The following BFSP2 variants were observed in gnomAD, a reference collection of about 807,000 sequenced individuals.
The protein encoded by BFSP2 is beaded filament structural protein 2, also known as phakinin.
Under a neutral mutation model 44.9 loss-of-function variants are expected in BFSP2, and 38 were observed. The observed-to-expected ratio is 0.85, with a 90% confidence interval of 0.65 to 1.11. The LOEUF (loss-of-function observed/expected upper bound fraction) is 1.11, where lower values mean the gene tolerates loss of function less well. Ranked by LOEUF, BFSP2 falls within the 50% of genes least tolerant of loss-of-function variation. The probability of loss-of-function intolerance (pLI) is 0.00; values close to 1 mark genes in which losing one functional copy is unlikely to be tolerated. For missense variants in BFSP2, 525 were observed against 533.0 expected (o/e 0.99, Z 0.15); for synonymous variants, 197 against 209.9 (o/e 0.94, Z 0.53).
chr3:133,401,259 A>G (rs989056343), intron 1 of BFSP2, among the ~76,000 whole-genome samples: 2 of 152,266 alleles, frequency 1.3e-5, no homozygotes, highest in Non-Finnish European at 2.9e-5. Context: ...GAGGTAATTT[A>G]CATTCAAGTA....
intron 4 of BFSP2, among the ~76,000 whole-genome samples, chr3:133,452,637 T>C (rs1401327200): frequency 6.6e-6 from 1 of 152,026 alleles, no homozygotes; most frequent in Admixed American, 6.6e-5. Flanking sequence ...ACCCAGAGAG[T>C]GCAGGTGACT....
chr3:133,403,560 A>G (rs1367872297), intron 1 of BFSP2, among the ~76,000 whole-genome samples: 1 of 152,238 alleles, frequency 6.6e-6, no homozygotes, highest in African/African-American at 2.4e-5. Context: ...CAGTCACTCA[A>G]TAGCACGGTG....
Position 133,400,079 on chromosome 3 carries a change from G to A in BFSP2, c.-5G>A. On this transcript the variant is annotated 5_prime_UTR_variant, in exon 1 of 7. Transcript: ENST00000302334. The surrounding 1 kb of genome is among the most constrained non-coding windows in gnomAD (Gnocchi z 4.0). ...CCACTGGGCACCACAGAGGCAGAAG[G>A]GGTGATGAGTGAGAGGCGAGTGGTA... is the stretch of plus-strand genomic sequence containing the variant. 6.2e-7 allele frequency: 1 copy of A among 1,613,926 alleles called. No individual in the cohort carries two copies. Among genetic ancestry groups the A allele is most frequent in the Non-Finnish European group, 8.5e-7 (1 of 1,180,032 alleles).
intron 1 of BFSP2, among the ~76,000 whole-genome samples, chr3:133,428,857 C>T (rs2073679886): frequency 6.6e-6 from 1 of 152,186 alleles, no homozygotes; most frequent in African/African-American, 2.4e-5. Context: ...GCCAGTCTCT[C>T]CCTGTGTCTG....
chr3:133,447,981 G>A (rs74614203), intron 2 of BFSP2, among the ~76,000 whole-genome samples: 8,565 of 152,286 alleles, frequency 0.056, 348 homozygotes, highest in Non-Finnish European at 0.083. Context: ...CTTGAGAACC[G>A]TGCTCAGCTA....
intron 4 of BFSP2, among the ~76,000 whole-genome samples, chr3:133,452,280 T>A (rs2107928220): frequency 6.6e-6 from 1 of 152,338 alleles, no homozygotes; most frequent in East Asian, 1.9e-4. Context: ...TCTTCATCAA[T>A]TCTGGATTCC....
At chr3:133,473,393 T>C (rs1186577913) in intron 6 of BFSP2, among the ~76,000 whole-genome samples, 1 of 121,940 alleles carries the variant, frequency 8.2e-6, no homozygotes, top group Non-Finnish European at 1.6e-5. Flanking sequence ...GATCCAAACA[T>C]CACATCCTCA....
chr3:133,466,985 T>G, intron 5 of BFSP2, 26 bp downstream of exon 5: 1 of 1,612,290 alleles, frequency 6.2e-7, no homozygotes, highest in Non-Finnish European at 8.5e-7. Flanking sequence ...AAAGACCTGG[T>G]GTCCTTGTGC....
intron 1 of BFSP2, among the ~76,000 whole-genome samples, chr3:133,403,393 C>G (rs71317406): frequency 2.2e-4 from 34 of 152,212 alleles, no homozygotes; most frequent in Non-Finnish European, 3.1e-4. Flanking sequence ...CCTGGTCCTG[C>G]AGCTCAGTTC....
rs138522381 is a variant in BFSP2 at position 133,417,176 on chromosome 3, T to G, written c.489+16604T>G. On this transcript the variant is annotated intron_variant, in intron 1 of 6. Coordinates refer to ENST00000302334, the MANE Select transcript of BFSP2 (RefSeq NM_003571.4). ...CTCATCTCTCTACTCACCCCTGCCA[T>G]CTCTCCTCTATCCACCCCTCTAGTC... is the stretch of plus-strand genomic sequence containing the variant. Among the ~76,000 whole-genome samples, 575 of 101,330 alleles carry G rather than the reference T, an allele frequency of 5.7e-3. 7 individuals are homozygous for G. Among genetic ancestry groups the G allele is most frequent in the South Asian group, 0.031 (75 of 2,448 alleles). 66.5% of individuals were successfully genotyped at this position (101,330 alleles called of 152,430 possible).
At chr3:133,417,339 C>T (rs569631678) in intron 1 of BFSP2, among the ~76,000 whole-genome samples, 23 of 117,774 alleles carry the variant, frequency 2.0e-4, no homozygotes, top group South Asian at 3.4e-4. Context: ...ATCTCCCCTC[C>T]ACTCACCCCG....
intron 4 of BFSP2, among the ~76,000 whole-genome samples, chr3:133,460,219 C>T (rs1250451791): frequency 6.6e-6 from 1 of 152,124 alleles, no homozygotes; most frequent in African/African-American, 2.4e-5. Context: ...TTAATCTTCC[C>T]AACATGAGAT....
chr3:133,400,582 C>A lies in BFSP2; in HGVS notation c.489+10C>A. The A allele has an allele frequency of 6.3e-7, 1 of 1,585,832 alleles. No homozygotes were observed. Among genetic ancestry groups the A allele is most frequent in the Non-Finnish European group, 8.6e-7 (1 of 1,166,050 alleles). The stretch of plus-strand genomic sequence containing the variant: ...CAGCAGCTGCCAGCAGGTAAGTGTC[C>A]AGGCTGTGCCAAGGGCTTTGCAGAG... On this transcript the variant is annotated intron_variant, in intron 1 of 6. Coordinates refer to ENST00000302334, the MANE Select transcript of BFSP2 (RefSeq NM_003571.4). The surrounding 1 kb of genome is among the most constrained non-coding windows in gnomAD (Gnocchi z 4.0).
chr3:133,413,556 G>A (rs1002222851), intron 1 of BFSP2, among the ~76,000 whole-genome samples: 1 of 151,972 alleles, frequency 6.6e-6, no homozygotes, highest in Non-Finnish European at 1.5e-5. Flanking sequence ...TCTCCCAGAG[G>A]GTTTATGCTG....
At chr3:133,460,954 G>C (rs1201392117) in intron 4 of BFSP2, among the ~76,000 whole-genome samples, 1 of 152,224 alleles carries the variant, frequency 6.6e-6, no homozygotes, top group Non-Finnish European at 1.5e-5. Context: ...AGACACATGA[G>C]GCAGACAGCT....
At chr3:133,454,138 A>G (rs991741632) in intron 4 of BFSP2, among the ~76,000 whole-genome samples, 1 of 152,188 alleles carries the variant, frequency 6.6e-6, no homozygotes, top group Non-Finnish European at 1.5e-5. Context: ...TAGACCTCCT[A>G]GTTAGTCAAG....
chr3:133,410,166 T>C (rs1211200307), intron 1 of BFSP2: 3 of 184,020 alleles, frequency 1.6e-5, no homozygotes, highest in East Asian at 3.5e-4. Context: ...GACAAATCTA[T>C]ACCAAGGCTT....
At chr3:133,438,934 TA>T (rs952588570) in intron 1 of BFSP2, among the ~76,000 whole-genome samples, 5 of 152,228 alleles carry the variant, frequency 3.3e-5, no homozygotes, top group African/African-American at 1.2e-4. Context: ...GTTAAAAGGA[TA>T]TTTTTTAAAA....
At chr3:133,450,528 A>G (rs1164108963) in intron 4 of BFSP2, 64 bp downstream of exon 4, 2 of 1,582,606 alleles carry the variant, frequency 1.3e-6, no homozygotes, top group African/African-American at 2.7e-5. Flanking sequence ...CTGAGCTGCA[A>G]ACTAGTCAAT....
Sources: allele counts gnomAD v4.1 joint callset (sites outside exome capture counted in the v4.1 genomes callset), GRCh38; gene constraint gnomAD v4.1.1; non-coding constraint Gnocchi (gnomAD v3.1); transcripts MANE v1.5; gene names NCBI Gene and HGNC (gene_info 2026-07-23, HGNC 2026-07-21).